DOCK4: variants seen among roughly 807,000 people sequenced by gnomAD.
DOCK4 encodes the protein dedicator of cytokinesis protein 4.
A neutral mutation model predicts 268.1 loss-of-function variants in DOCK4; 97 were observed. That is an observed-to-expected ratio of 0.36 (90% CI 0.31 to 0.43). DOCK4 has a LOEUF of 0.43. Among genes scored for constraint, DOCK4 ranks in the 20% least tolerant of loss-of-function variants. The pLI, the probability that DOCK4 is intolerant of heterozygous loss-of-function variation, is 1.00. For synonymous variants in DOCK4, 954 were observed against 887.2 expected, an observed-to-expected ratio of 1.08 and a Z score of -1.34; for missense variants, 2,145 against 2,455.7, an observed-to-expected ratio of 0.87 and a Z score of 2.67.
At chr7:111,830,144 G>A (rs796728095) in intron 26 of DOCK4, among the ~76,000 whole-genome samples, 2 of 152,290 alleles carry the variant, frequency 1.3e-5, no homozygotes, top group African/African-American at 4.8e-5. Context: ...TTTATAAGGT[G>A]ATATATGAAC....
chr7:112,153,451 A>G (rs1345989203), intron 1 of DOCK4, among the ~76,000 whole-genome samples: 1 of 152,190 alleles, frequency 6.6e-6, no homozygotes, highest in Non-Finnish European at 1.5e-5. Flanking sequence ...CTATGAAGGG[A>G]GGAGGCTCAT....
rs1821402131 is a variant in DOCK4, at chr7:112,206,284, G to A, written c.-146C>T. The A allele has an allele frequency of 3.5e-6, 3 of 863,798 alleles. No homozygotes were observed. Among genetic ancestry groups the A allele is most frequent in the Non-Finnish European group, 5.3e-6 (3 of 562,628 alleles). 53.5% of individuals were successfully genotyped at this position (863,798 alleles called of 1,614,324 possible). ...GCGGGCGCTGGGCAGGATCTGCGCTGGAGGCTCCCGAGCCCAGCGTTGACA... is the reference window on the plus strand; with the variant it reads ...GCGGGCGCTGGGCAGGATCTGCGCTAGAGGCTCCCGAGCCCAGCGTTGACA... On this transcript the variant is annotated 5_prime_UTR_variant, in exon 1 of 53. Transcript: ENST00000428084.
In DOCK4 at chr7:111,872,524, G is replaced by A. The variant is rs376903995; in HGVS notation, c.1785C>T (p.Asp595=). 118 of 1,603,950 alleles carry A rather than the reference G, an allele frequency of 7.4e-5. No individual in the cohort carries two copies. The highest frequency in any genetic ancestry group is 9.2e-5 in the Non-Finnish European group (108 of 1,174,738). The change falls in exon 18 of 53, where the codon GAC becomes GAT. Residue 595 remains aspartate, a synonymous_variant. Transcript: ENST00000428084. ...ATTTAGAGAGACAGCCAGTGATCTT[G>A]TCTGGGTGGGTTCTCCATTTCAAAA... ...LDLLKWRTHP[D]KITGCLSKLK...
intron 1 of DOCK4, among the ~76,000 whole-genome samples, chr7:112,061,253 T>C (rs1342747595): frequency 6.6e-6 from 1 of 152,124 alleles, no homozygotes; most frequent in Non-Finnish European, 1.5e-5. Flanking sequence ...GAAGTGACTA[T>C]TGCCCCCCAC....
intron 26 of DOCK4, among the ~76,000 whole-genome samples, chr7:111,832,690 G>C (rs560955314): frequency 3.0e-4 from 45 of 152,198 alleles, no homozygotes; most frequent in African/African-American, 1.0e-3. Context: ...ACCATGCCCA[G>C]CTAATTTTTG....
At chr7:111,795,868 G>A (rs1219664136) in intron 30 of DOCK4, among the ~76,000 whole-genome samples, 1 of 152,136 alleles carries the variant, frequency 6.6e-6, no homozygotes, top group Non-Finnish European at 1.5e-5. Flanking sequence ...CTTGACAGAG[G>A]CCACTGGTTT....
intron 42 of DOCK4, among the ~76,000 whole-genome samples, chr7:111,751,147 G>A (rs1164517182): frequency 6.6e-6 from 1 of 152,114 alleles, no homozygotes; most frequent in Non-Finnish European, 1.5e-5. Context: ...CAAGTATGAA[G>A]TAGTCTTGTG....
intron 13 of DOCK4, among the ~76,000 whole-genome samples, chr7:111,903,229 ACAAATGACCTAGG>A (rs1258788784): frequency 6.6e-6 from 1 of 152,018 alleles, no homozygotes; most frequent in African/African-American, 2.4e-5. Flanking sequence ...GGCATCATTT[ACAAATGACCTAGG>A]CTGACAAGGA....
Position 111,767,133 on chromosome 7 carries a change from A to AT in DOCK4, c.3829-16dup. The AT allele has an allele frequency of 6.2e-7, 1 of 1,605,610 alleles. No individual in the cohort carries two copies. The highest frequency in any genetic ancestry group is 1.3e-5 in the African/African-American group (1 of 74,868). On this transcript the variant is annotated splice_polypyrimidine_tract_variant and intron_variant, in intron 37 of 52. Coordinates refer to ENST00000428084, the MANE Select transcript of DOCK4 (RefSeq NM_001363540.2). ...TTCTCCCAACACTGTGGACAAATGA[A>AT]TGAGATCAATGGAACCATCTGACAA... is the stretch of plus-strand genomic sequence containing the variant.
At chr7:111,944,936 T>C in intron 9 of DOCK4, 65 bp from the exon 10 acceptor site, 1 of 1,313,330 alleles carries the variant, frequency 7.6e-7, no homozygotes, top group Non-Finnish European at 1.1e-6. Flanking sequence ...CATAGCACTT[T>C]ATTTTCACAA....
At chr7:111,764,825 T>C (rs565232301) in intron 39 of DOCK4, among the ~76,000 whole-genome samples, 1 of 152,110 alleles carries the variant, frequency 6.6e-6, no homozygotes, top group Non-Finnish European at 1.5e-5. Context: ...TTTCTAATAC[T>C]AACTTGATGG....
intron 5 of DOCK4, among the ~76,000 whole-genome samples, chr7:111,991,480 A>G (rs919197563): frequency 6.6e-6 from 1 of 152,192 alleles, no homozygotes; most frequent in African/African-American, 2.4e-5. Flanking sequence ...AAACAATATC[A>G]AGAGATTCTG....
intron 1 of DOCK4, among the ~76,000 whole-genome samples, chr7:112,152,632 C>A (rs572955196): frequency 6.6e-6 from 1 of 152,252 alleles, no homozygotes; most frequent in African/African-American, 2.4e-5. Context: ...ATACTAAAGT[C>A]TTGATTTCTT....
chr7:111,994,257 T>C (rs1216423497), intron 4 of DOCK4, 26 bp from the exon 5 acceptor site: 1 of 1,429,372 alleles, frequency 7.0e-7, no homozygotes, highest in Admixed American at 1.9e-5. Flanking sequence ...AGAAAAAGTA[T>C]ATATGTAAAT....
chr7:111,925,676 C>T (rs1252918884), intron 12 of DOCK4, among the ~76,000 whole-genome samples: 3 of 152,180 alleles, frequency 2.0e-5, no homozygotes, highest in South Asian at 4.1e-4. Flanking sequence ...TACAGCTGTC[C>T]TTTAACATTG....
chr7:111,896,925 A>C (rs997503058), intron 15 of DOCK4, among the ~76,000 whole-genome samples: 1 of 152,110 alleles, frequency 6.6e-6, no homozygotes, highest in African/African-American at 2.4e-5. Context: ...AAAATAATTC[A>C]TGTTTTTTAA....
intron 1 of DOCK4, among the ~76,000 whole-genome samples, chr7:112,097,724 T>C (rs953964653): frequency 3.3e-5 from 5 of 152,210 alleles, no homozygotes; most frequent in African/African-American, 1.2e-4. Context: ...GAACAGAACT[T>C]GGTCATTCCT....
rs188119834 is a variant in DOCK4 at position 111,995,549 on chromosome 7, T to A, written c.219-1318A>T. Among the ~76,000 whole-genome samples the A allele has an allele frequency of 1.1e-3, 163 of 152,132 alleles. 3 individuals are homozygous for A. The highest frequency in any genetic ancestry group is 4.4e-4 in the Non-Finnish European group (30 of 67,998). The stretch of plus-strand genomic sequence containing the variant: ...ATTGATTGAGACTATTTTCTTTATT[T>A]CAGTATATTTTTCTCAAGAAAACGT... On this transcript the variant is annotated intron_variant, in intron 4 of 52. Transcript: ENST00000428084.
chr7:112,150,246 G>A (rs533423697), intron 1 of DOCK4, among the ~76,000 whole-genome samples: 3 of 152,040 alleles, frequency 2.0e-5, no homozygotes, highest in Admixed American at 6.6e-5. Context: ...AATGTCTAAC[G>A]CAACTGCACT....
Sources: gnomAD v4.1 joint callset for allele counts (sites outside exome capture counted in the v4.1 genomes callset) on GRCh38, gnomAD v4.1.1 for gene constraint, MANE v1.5 for transcripts, NCBI Gene and HGNC (gene_info 2026-07-23, HGNC 2026-07-21) for gene names.